ZNF432: variants seen among roughly 807,000 people sequenced by gnomAD.
The protein encoded by ZNF432 is zinc finger protein 432.
In ZNF432, 10 loss-of-function variants were observed where a neutral mutation model predicts 13.9. The ratio of observed to expected loss-of-function variants is 0.72; its 90% CI spans 0.44 to 1.22. The LOEUF (loss-of-function observed/expected upper bound fraction) is 1.22. ZNF432 is among the 50% of genes most tolerant of loss of function. The pLI is 0.00. For missense variants in ZNF432, 793 were observed against 796.2 expected, an observed-to-expected ratio of 1.00 and a Z score of 0.05; for synonymous variants, 247 against 256.2, an observed-to-expected ratio of 0.96 and a Z score of 0.34.
intron 4 of ZNF432, among the ~76,000 whole-genome samples, chr19:52,037,980 T>G (rs1466878501): frequency 4.6e-5 from 7 of 152,146 alleles, no homozygotes; most frequent in Non-Finnish European, 8.8e-5. Context: ...CAGTTTTTCT[T>G]AAGATATTTA....
Position 52,041,500 on chromosome 19 carries a change from T to C in ZNF432, c.122A>G (p.Tyr41Cys), listed in dbSNP as rs1241216302. 4.4e-6 allele frequency: 7 copies of C among 1,608,230 alleles called. No individual in the cohort carries two copies. Among genetic ancestry groups the C allele is most frequent in the African/African-American group, 1.3e-5 (1 of 74,740 alleles). ...DLYRDVMLEI[Y>C]SNLLSMGYQV... is the part of the protein sequence containing the mutation. ...CTCACCCATTGATAGCAGGTTGCTG[T>C]AGATCTCCAACATCACATCCCGGTA... The change falls in exon 3 of 5, where the codon TAC (tyrosine) becomes TGC (cysteine). Residue 41 changes from tyrosine to cysteine, a missense_variant. Transcript: ENST00000221315.
chr19:52,035,220 G>A lies in ZNF432; in HGVS notation c.459C>T (p.Asn153=), dbSNP rs765546229. The stretch of plus-strand genomic sequence containing the variant: ...CATCTCCACTAAATTTAGTAGAGTT[G>A]TTAATTTCACAGCTTTTGTTCTGGT... ...LVNQNKSCEI[N]NSTKFSGDGK... Residue 153 remains asparagine, a synonymous_variant, in exon 5 of 5, where the codon AAC becomes AAT. Transcript: ENST00000221315. 2.5e-5 allele frequency: 41 copies of A among 1,609,464 alleles called. No individual in the cohort carries two copies. The highest frequency in any genetic ancestry group is 3.4e-5 in the Non-Finnish European group (40 of 1,178,818).
intron 2 of ZNF432, 149 bp downstream of exon 2, chr19:52,046,705 A>C: frequency 1.4e-6 from 1 of 707,624 alleles, no homozygotes. Context: ...TGTAGGAATC[A>C]CATAAACACT....
Position 52,046,997 on chromosome 19 carries a change from C to T in ZNF432, c.-129G>A. 2 of 899,060 alleles carry T rather than the reference C, an allele frequency of 2.2e-6. No homozygotes were observed. The highest frequency in any genetic ancestry group is 1.7e-6 in the Non-Finnish European group (1 of 594,016). 55.7% of individuals were successfully genotyped at this position (899,060 alleles called of 1,614,324 possible). A position where few individuals can be genotyped will look rare whatever the true frequency, so the allele number is the denominator to read the frequency against. On this transcript the variant is annotated 5_prime_UTR_variant, in exon 2 of 5. Coordinates refer to ENST00000221315, the MANE Select transcript of ZNF432 (RefSeq NM_014650.4). ...GTGTCCACAGAAATCATATCTAGGT[C>T]CTGGAATCTTCCTCTTTCTTCATTT...
rs531849594 is a variant in ZNF432, at chr19:52,031,429, A to T, written c.*2291T>A. ...TTTATTTATAACAGCAAAACACTGG[A>T]AACAACCCAAATGTCCATCAACAGT... On this transcript the variant is annotated 3_prime_UTR_variant, in exon 5 of 5. Coordinates refer to ENST00000221315, the MANE Select transcript of ZNF432 (RefSeq NM_014650.4). The T allele has an allele frequency of 6.6e-6, 1 of 152,354 alleles. No individual in the cohort carries two copies. Among genetic ancestry groups the T allele is most frequent in the South Asian group, 2.1e-4 (1 of 4,832 alleles). 9.4% of individuals were successfully genotyped at this position (152,354 alleles called of 1,614,324 possible). A position where few individuals can be genotyped will look rare whatever the true frequency, so the allele number is the denominator to read the frequency against.
In ZNF432 at chr19:52,046,937, A is replaced by G; in HGVS notation, c.-69T>C. 3 of 1,569,830 alleles carry G rather than the reference A, an allele frequency of 1.9e-6. No individual in the cohort carries two copies. Among genetic ancestry groups the G allele is most frequent in the Non-Finnish European group, 2.6e-6 (3 of 1,150,976 alleles). On this transcript the variant is annotated 5_prime_UTR_variant, in exon 2 of 5. Coordinates refer to ENST00000221315, the MANE Select transcript of ZNF432 (RefSeq NM_014650.4). ...CTTTGTCTCCTCTGGATCTGCCTTA[A>G]ATTTCTATTTAGAAACTTCAGTCAC...
chr19:52,048,603 C>T (rs1270657284), intron 1 of ZNF432, 92 bp downstream of exon 1: 1 of 150,812 alleles, frequency 6.6e-6, no homozygotes, highest in Non-Finnish European at 1.5e-5. Context: ...CCAACCCCCG[C>T]GCTACCTCCA....
chr19:52,044,321 A>C (rs2087162344), intron 2 of ZNF432, among the ~76,000 whole-genome samples: 1 of 152,218 alleles, frequency 6.6e-6, no homozygotes, highest in Admixed American at 6.5e-5. Context: ...ACCAGAAAGC[A>C]AAAGAACCTG....
intron 1 of ZNF432, 106 bp downstream of exon 1, chr19:52,048,589 T>G (rs1181961524): frequency 1.9e-5 from 1 of 53,378 alleles, no homozygotes; most frequent in Non-Finnish European, 4.1e-5. Flanking sequence ...CGCCCCCGCC[T>G]CCCCCAACCC....
chr19:52,047,029 T>C lies in ZNF432; in HGVS notation c.-161A>G. 2 of 716,686 alleles carry C rather than the reference T, an allele frequency of 2.8e-6. No homozygotes were observed. The highest frequency in any genetic ancestry group is 4.9e-5 in the South Asian group (2 of 40,660). 44.4% of individuals were successfully genotyped at this position (716,686 alleles called of 1,614,324 possible). On this transcript the variant is annotated 5_prime_UTR_variant, in exon 2 of 5. Transcript: ENST00000221315. ...TCTTCCTCTTTCTTCATTTACTTCT[T>C]GTCTCTTCCCAGGGTAGCCAGGACC... is the stretch of plus-strand genomic sequence containing the variant.
intron 2 of ZNF432, among the ~76,000 whole-genome samples, chr19:52,043,732 T>G (rs1327693478): frequency 1.3e-5 from 2 of 152,362 alleles, no homozygotes; most frequent in Admixed American, 1.3e-4. Flanking sequence ...AGGTGGGACA[T>G]TCGGGCAGCA....
Position 52,033,542 on chromosome 19 carries a change from C to G in ZNF432, c.*178G>C, listed in dbSNP as rs1176847604. ...CATTGGTACATCAAAGAATTCAGAG[C>G]CTGAATTCATGTTGAAGCCTTTCTG... On this transcript the variant is annotated 3_prime_UTR_variant, in exon 5 of 5. Coordinates refer to ENST00000221315, the MANE Select transcript of ZNF432 (RefSeq NM_014650.4). 1.3e-5 allele frequency: 9 copies of G among 667,422 alleles called. No homozygotes were observed. The highest frequency in any genetic ancestry group is 2.2e-5 in the Non-Finnish European group (9 of 417,586). The allele number at this position is 667,422 out of a possible 1,614,324, so 41.3% of individuals were successfully genotyped here.
intron 4 of ZNF432, 35 bp downstream of exon 4, chr19:52,040,453 A>G (rs889191115): frequency 6.3e-7 from 1 of 1,575,308 alleles, no homozygotes; most frequent in Non-Finnish European, 8.7e-7. Flanking sequence ...CACTGACTAT[A>G]ATATTACTTA....
At chr19:52,037,483 A>G (rs1254967056) in intron 4 of ZNF432, among the ~76,000 whole-genome samples, 2 of 152,136 alleles carry the variant, frequency 1.3e-5, no homozygotes, top group Non-Finnish European at 2.9e-5. Flanking sequence ...TTCTTCAATC[A>G]CATTCTGCAT....
chr19:52,040,342 C>T, intron 4 of ZNF432, 146 bp downstream of exon 4: 1 of 725,062 alleles, frequency 1.4e-6, no homozygotes, highest in Non-Finnish European at 2.4e-6. Context: ...AGAATGCAAC[C>T]TTAAAATAAG....
rs2087037442 is a variant in ZNF432, at chr19:52,033,681, G to A, written c.*39C>T. On this transcript the variant is annotated 3_prime_UTR_variant, in exon 5 of 5. Coordinates refer to ENST00000221315, the MANE Select transcript of ZNF432 (RefSeq NM_014650.4). ...GAAATCTCTGATGTTGTACAAGGCAGATTTTCTTCCCAAAGGCATGAACAT... is the reference window on the plus strand; with the variant it reads ...GAAATCTCTGATGTTGTACAAGGCAAATTTTCTTCCCAAAGGCATGAACAT... 2 of 1,532,152 alleles carry A rather than the reference G, an allele frequency of 1.3e-6. No individual in the cohort carries two copies. Among genetic ancestry groups the A allele is most frequent in the African/African-American group, 2.8e-5 (2 of 72,000 alleles). The allele number at this position is 1,532,152 out of a possible 1,614,324, so 94.9% of individuals were successfully genotyped here. A position where few individuals can be genotyped will look rare whatever the true frequency, so the allele number is the denominator to read the frequency against.
Position 52,046,702 on chromosome 19 carries a change from A to G in ZNF432, c.15+152T>C, listed in dbSNP as rs1046072102. 2.9e-5 allele frequency: 20 copies of G among 681,634 alleles called. No individual in the cohort carries two copies. The African/African-American group carries it at 3.5e-4, about 12-fold the overall frequency. 42.2% of individuals were successfully genotyped at this position (681,634 alleles called of 1,614,324 possible). ...TTCCAACATCAGTCATTTTGTAGGA[A>G]TCACATAAACACTATATTCCTGATC... On this transcript the variant is annotated intron_variant, in intron 2 of 4. Transcript: ENST00000221315.
chr19:52,046,833 A>G, intron 2 of ZNF432, 21 bp downstream of exon 2: 1 of 1,613,348 alleles, frequency 6.2e-7, no homozygotes, highest in South Asian at 1.1e-5. Context: ...AAAGGAGAGA[A>G]TAAAATAGAG....
intron 2 of ZNF432, 107 bp downstream of exon 2, chr19:52,046,747 G>A: frequency 8.8e-7 from 1 of 1,130,588 alleles, no homozygotes; most frequent in Non-Finnish European, 1.3e-6. Context: ...CATGATGTTG[G>A]AGTTAGATTT....
Sources: allele counts gnomAD v4.1 joint callset (sites outside exome capture counted in the v4.1 genomes callset), GRCh38; gene constraint gnomAD v4.1.1; transcripts MANE v1.5; gene names NCBI Gene and HGNC (gene_info 2026-07-23, HGNC 2026-07-21).